The following CAST variants were observed in gnomAD, a reference collection of about 807,000 sequenced individuals.
The protein encoded by CAST is calpastatin, also known as MIR583 host.
Under a neutral mutation model 119.6 loss-of-function variants are expected in CAST, and 76 were observed. That is an observed-to-expected ratio of 0.64 (90% CI 0.53 to 0.77). The LOEUF (loss-of-function observed/expected upper bound fraction) is 0.77, where lower values mean the gene tolerates loss of function less well. CAST is among the 30% of genes least tolerant of loss of function. The pLI, the probability that CAST is intolerant of heterozygous loss-of-function variation, is 0.00. For synonymous variants in CAST, 319 were observed against 331.6 expected (o/e 0.96, Z 0.41); for missense variants, 953 against 946.5 (o/e 1.01, Z -0.09).
chr5:96,033,655 G>A, the CAST span, among the ~76,000 whole-genome samples: 1 of 152,014 alleles, frequency 6.6e-6, no homozygotes, highest in South Asian at 2.1e-4. Context: ...AAATCAGAGT[G>A]GATTAAAGAC....
At chr5:96,312,609 G>A in the CAST span, among the ~76,000 whole-genome samples, 1 of 152,082 alleles carries the variant, frequency 6.6e-6, no homozygotes, top group African/African-American at 2.4e-5. Context: ...AAACTACTTA[G>A]TGTTAGTAGT....
chr5:96,150,775 C>T, the CAST span, among the ~76,000 whole-genome samples: 1 of 152,064 alleles, frequency 6.6e-6, no homozygotes, highest in African/African-American at 2.4e-5. Flanking sequence ...AGGGACCAAC[C>T]CGAAAGACTA....
At chr5:96,415,674 G>A in the CAST span, among the ~76,000 whole-genome samples, 2 of 152,110 alleles carry the variant, frequency 1.3e-5, no homozygotes, top group Admixed American at 1.3e-4. Flanking sequence ...ACAGAATTGA[G>A]AGGCAGGAAA....
At chr5:95,973,383 A>G in the CAST span, 10 of 152,920 alleles carry the variant, frequency 6.5e-5, no homozygotes, top group African/African-American at 1.9e-4. Context: ...TCCATCGTGT[A>G]TTCATCAAAG....
the CAST span, among the ~76,000 whole-genome samples, chr5:96,068,076 G>A: frequency 2.0e-5 from 3 of 152,042 alleles, no homozygotes; most frequent in Non-Finnish European, 4.4e-5. Flanking sequence ...AGATGTAGGC[G>A]GCACAGGTGG....
At chr5:96,238,070 T>C in the CAST span, among the ~76,000 whole-genome samples, 4,517 of 152,152 alleles carry the variant, frequency 0.03, 225 homozygotes, top group African/African-American at 0.1. Context: ...AATGTTATTT[T>C]TTCAGATGAT....
At chr5:96,382,057 G>A in the CAST span, among the ~76,000 whole-genome samples, 1 of 152,194 alleles carries the variant, frequency 6.6e-6, no homozygotes, top group Non-Finnish European at 1.5e-5. Flanking sequence ...TGAAAAAGGT[G>A]TATGAGGTCT....
chr5:96,044,542 C>A, the CAST span, among the ~76,000 whole-genome samples: 1 of 152,138 alleles, frequency 6.6e-6, no homozygotes, highest in Non-Finnish European at 1.5e-5. Context: ...GAAGCCTGAA[C>A]AGACTAAGAT....
chr5:96,649,977 C>T (rs75021244), intron 1 of CAST, among the ~76,000 whole-genome samples: 6,262 of 152,268 alleles, frequency 0.041, 175 homozygotes, highest in Middle Eastern at 0.092. Flanking sequence ...TCACATAATC[C>T]TTATAGCAAC....
At chr5:96,115,493 T>G in the CAST span, among the ~76,000 whole-genome samples, 1 of 152,192 alleles carries the variant, frequency 6.6e-6, no homozygotes, top group Non-Finnish European at 1.5e-5. Flanking sequence ...ATTTTATAGA[T>G]GGGGAAGCTG....
chr5:96,656,930 C>T (rs1748167632), intron 1 of CAST, among the ~76,000 whole-genome samples: 1 of 133,710 alleles, frequency 7.5e-6, no homozygotes, highest in African/African-American at 3.7e-5. Flanking sequence ...TCCAAAGAGA[C>T]ACTTTTTCTT....
intron 3 of CAST, 138 bp from the exon 4 acceptor site, chr5:96,722,501 C>T: frequency 1.5e-6 from 1 of 649,278 alleles, no homozygotes; most frequent in South Asian, 1.9e-5. Context: ...GACACCACCT[C>T]CTACTAGATT....
chr5:96,618,046 G>A (rs1000989803), intron 1 of CAST, among the ~76,000 whole-genome samples: 1 of 152,122 alleles, frequency 6.6e-6, no homozygotes, highest in African/African-American at 2.4e-5. Context: ...GGTGTTAACT[G>A]AGGGGGGCCA....
intron 1 of CAST, among the ~76,000 whole-genome samples, chr5:96,626,421 T>A (rs1386368569): frequency 1.3e-5 from 2 of 152,186 alleles, no homozygotes; most frequent in African/African-American, 2.4e-5. Context: ...GACACAGGCC[T>A]CTTGGTCTGG....
the CAST span, among the ~76,000 whole-genome samples, chr5:96,329,884 C>G: frequency 6.6e-6 from 1 of 152,206 alleles, no homozygotes; most frequent in Non-Finnish European, 1.5e-5. Flanking sequence ...AGGCTCTGAG[C>G]AGAGATTTGT....
chr5:96,002,773 C>A, the CAST span, among the ~76,000 whole-genome samples: 1 of 152,208 alleles, frequency 6.6e-6, no homozygotes, highest in South Asian at 2.1e-4. Flanking sequence ...CACTGACTTT[C>A]ATCTGCCATA....
chr5:95,961,654 C>T, the CAST span: 1 of 1,610,526 alleles, frequency 6.2e-7, no homozygotes, highest in East Asian at 2.2e-5. Flanking sequence ...GTTGTCCTGC[C>T]CCAGCCGTCC....
the CAST span, among the ~76,000 whole-genome samples, chr5:96,367,077 GT>G: frequency 3.9e-5 from 6 of 152,308 alleles, no homozygotes; most frequent in East Asian, 1.2e-3. Flanking sequence ...GTCTGTTGGA[GT>G]TTGCTTGAGG....
chr5:96,367,414 C>A, the CAST span, among the ~76,000 whole-genome samples: 4 of 152,098 alleles, frequency 2.6e-5, no homozygotes, highest in Non-Finnish European at 4.4e-5. Flanking sequence ...TATGCCCTGC[C>A]ACCAGAGGTG....
Sources: allele counts gnomAD v4.1 joint callset (sites outside exome capture counted in the v4.1 genomes callset), GRCh38; gene constraint gnomAD v4.1.1; transcripts MANE v1.5; gene names NCBI Gene and HGNC (gene_info 2026-07-23, HGNC 2026-07-21).